The following TOR1AIP2 variants were observed in gnomAD, a reference collection of about 807,000 sequenced individuals.
The protein encoded by TOR1AIP2 is torsin 1A interacting protein 2.
TOR1AIP2 carries 20 observed loss-of-function variants against 32.6 expected under a neutral mutation model. That is an observed-to-expected ratio of 0.61 (90% CI 0.43 to 0.89). The LOEUF is 0.89. TOR1AIP2 is among the 40% of genes least tolerant of loss of function. The probability of loss-of-function intolerance (pLI) is 0.00; values close to 1 mark genes in which losing one functional copy is unlikely to be tolerated. For missense variants in TOR1AIP2, 456 were observed against 553.8 expected (o/e 0.82, Z 1.77); for synonymous variants, 214 against 210.8 (o/e 1.02, Z -0.13).
chr1:179,856,152 C>T lies in TOR1AIP2; in HGVS notation c.-146-3341G>A, dbSNP rs143374828. Among the ~76,000 whole-genome samples, 947 of 151,940 alleles carry T rather than the reference C, an allele frequency of 6.2e-3. 12 individuals are homozygous for T. The highest frequency in any genetic ancestry group is 0.021 in the African/African-American group (890 of 41,418). ...TCACACCACTTCACTCCAGCCTGGG[C>T]GACAGAGCAAAACTCCGTCTCAAAA... On this transcript the variant is annotated intron_variant, in intron 3 of 6. Coordinates refer to ENST00000609928, the MANE Select transcript of TOR1AIP2 (RefSeq NM_001199260.2).
In TOR1AIP2 at chr1:179,862,384, A is replaced by G. The variant is rs1356166575; in HGVS notation, c.-147+3052T>C. On this transcript the variant is annotated intron_variant, in intron 3 of 6. Coordinates refer to ENST00000609928, the MANE Select transcript of TOR1AIP2 (RefSeq NM_001199260.2). ...ATTTTCACTTTTTAGGAGGAGTTGTAGGATAGTGAAATTCTTCATTAAAGA... is the reference window on the plus strand; with the variant it reads ...ATTTTCACTTTTTAGGAGGAGTTGTGGGATAGTGAAATTCTTCATTAAAGA... The G allele has an allele frequency of 6.1e-6, 6 of 985,272 alleles. No homozygotes were observed. The African/African-American group carries it at 1.0e-4, about 17-fold the overall frequency. 61.0% of individuals were successfully genotyped at this position (985,272 alleles called of 1,614,324 possible).
In TOR1AIP2 at chr1:179,845,990, C is replaced by A. The variant is rs908760118; in HGVS notation, c.*81G>T. The A allele has an allele frequency of 2.1e-5, 27 of 1,274,224 alleles. No homozygotes were observed. Among genetic ancestry groups the A allele is most frequent in the Middle Eastern group, 2.0e-4 (1 of 5,048 alleles). The allele number at this position is 1,274,224 out of a possible 1,614,324, so 78.9% of individuals were successfully genotyped here. A position where few individuals can be genotyped will look rare whatever the true frequency, so the allele number is the denominator to read the frequency against. The stretch of plus-strand genomic sequence containing the variant: ...CTATTTCCTCAAGCTATTTTATCAA[C>A]CTCCTTCCATATAAATGGAAGGTCT... On this transcript the variant is annotated 3_prime_UTR_variant, in exon 7 of 7. Transcript: ENST00000609928.
At chr1:179,855,499 A>T (rs1696265168) in intron 3 of TOR1AIP2, among the ~76,000 whole-genome samples, 1 of 152,250 alleles carries the variant, frequency 6.6e-6, no homozygotes, top group African/African-American at 2.4e-5. Context: ...ATTAATGGTG[A>T]GATAACATTT....
intron 2 of TOR1AIP2, among the ~76,000 whole-genome samples, chr1:179,872,992 C>T (rs761903784): frequency 2.0e-5 from 3 of 152,140 alleles, no homozygotes; most frequent in Non-Finnish European, 4.4e-5. Context: ...GCATAGTTAT[C>T]GAAAACAAGA....
intron 2 of TOR1AIP2, among the ~76,000 whole-genome samples, chr1:179,873,510 T>C (rs1697086770): frequency 6.6e-6 from 1 of 152,242 alleles, no homozygotes; most frequent in South Asian, 2.1e-4. Context: ...GATGTTAACC[T>C]TGATCACTTT....
intron 3 of TOR1AIP2, among the ~76,000 whole-genome samples, chr1:179,854,770 C>A (rs150454914): frequency 6.6e-6 from 1 of 152,222 alleles, no homozygotes; most frequent in East Asian, 1.9e-4. Context: ...ACTCAGGAGG[C>A]TGAGGCAAGA....
intron 4 of TOR1AIP2, 36 bp downstream of exon 4, chr1:179,852,596 C>T (rs201408527): frequency 1.7e-5 from 27 of 1,612,068 alleles, no homozygotes; most frequent in Non-Finnish European, 2.1e-5. Context: ...TGGTTTCCTA[C>T]AGCAGCAACC....
At chr1:179,859,654 T>C (rs746818860) in intron 3 of TOR1AIP2, 151 of 985,270 alleles carry the variant, frequency 1.5e-4, no homozygotes, top group Non-Finnish European at 1.7e-4. Context: ...AGCAATTATA[T>C]CTACCATAAT....
At chr1:179,873,183 G>A (rs1386864881) in intron 2 of TOR1AIP2, among the ~76,000 whole-genome samples, 1 of 151,954 alleles carries the variant, frequency 6.6e-6, no homozygotes. Context: ...AGTTATTTTG[G>A]GTTCGGTGTT....
intron 2 of TOR1AIP2, among the ~76,000 whole-genome samples, chr1:179,866,757 G>C (rs1284908117): frequency 6.6e-6 from 1 of 152,194 alleles, no homozygotes; most frequent in African/African-American, 2.4e-5. Context: ...GAGAAGGCAA[G>C]TAAGGCACAG....
chr1:179,864,604 A>G (rs2148447987), intron 3 of TOR1AIP2: 1 of 1,376,332 alleles, frequency 7.3e-7, no homozygotes, highest in Non-Finnish European at 9.3e-7. Context: ...TGGCTGGAAT[A>G]CTAACTAAAT....
rs141027191 is a variant in TOR1AIP2, at chr1:179,859,797, C to T, written c.-147+5639G>A. 6.7e-3 allele frequency: 6,620 copies of T among 985,404 alleles called. 36 individuals are homozygous for T. The highest frequency in any genetic ancestry group is 0.018 in the South Asian group (390 of 21,278). 61.0% of individuals were successfully genotyped at this position (985,404 alleles called of 1,614,324 possible). A position where few individuals can be genotyped will look rare whatever the true frequency, so the allele number is the denominator to read the frequency against. The stretch of plus-strand genomic sequence containing the variant: ...GGCTCAACCTCATCCCCAAACCAAT[C>T]CTGTCCTTCATCAGGAGAGATTTAA... On this transcript the variant is annotated intron_variant, in intron 3 of 6. Transcript: ENST00000609928.
chr1:179,864,289 A>C (rs1270054834), intron 3 of TOR1AIP2: 1 of 985,192 alleles, frequency 1.0e-6, no homozygotes, highest in South Asian at 4.7e-5. Context: ...ATTTATATAT[A>C]TATCTCATCA....
At chr1:179,865,123 A>C (rs1696716621) in intron 3 of TOR1AIP2, 1 of 1,613,724 alleles carries the variant, frequency 6.2e-7, no homozygotes, top group African/African-American at 1.3e-5. Flanking sequence ...CTAGTTCTAA[A>C]CTAGGGAACC....
chr1:179,855,775 T>G (rs1018338236), intron 3 of TOR1AIP2, among the ~76,000 whole-genome samples: 2 of 152,226 alleles, frequency 1.3e-5, no homozygotes, highest in African/African-American at 4.8e-5. Context: ...ATCTAAATGT[T>G]CATTAATAAG....
At chr1:179,863,967 A>G in intron 3 of TOR1AIP2, 2 of 985,372 alleles carry the variant, frequency 2.0e-6, no homozygotes, top group Non-Finnish European at 2.4e-6. Flanking sequence ...TTCATAATAT[A>G]TATGAAGTCA....
At chr1:179,865,024 C>T (rs1355253053) in intron 3 of TOR1AIP2, 1 of 1,614,038 alleles carries the variant, frequency 6.2e-7, no homozygotes, top group East Asian at 2.2e-5. Flanking sequence ...CAGGATAACA[C>T]TCAGGACAAT....
chr1:179,864,265 TTATC>T (rs774673187), intron 3 of TOR1AIP2: 454 of 985,208 alleles, frequency 4.6e-4, no homozygotes, highest in Non-Finnish European at 5.2e-4. Context: ...AGAGCAAATT[TTATC>T]TATCTATCTA....
At chr1:179,872,171 G>C (rs750819104) in intron 2 of TOR1AIP2, among the ~76,000 whole-genome samples, 1 of 152,180 alleles carries the variant, frequency 6.6e-6, no homozygotes. Flanking sequence ...TGTATGCATT[G>C]CTACCATACT....
Sources: gnomAD v4.1 joint callset for allele counts (sites outside exome capture counted in the v4.1 genomes callset) on GRCh38, gnomAD v4.1.1 for gene constraint, MANE v1.5 for transcripts, NCBI Gene and HGNC (gene_info 2026-07-23, HGNC 2026-07-21) for gene names.